Variants in RANBP2 observed in about 807,000 individuals in gnomAD.
RANBP2 encodes E3 SUMO-protein ligase RanBP2.
In RANBP2, 57 loss-of-function variants were observed where a neutral mutation model predicts 303.6. The ratio of observed to expected loss-of-function variants is 0.19; its 90% CI spans 0.15 to 0.23. The LOEUF (loss-of-function observed/expected upper bound fraction) is 0.23, where lower values mean the gene tolerates loss of function less well. Ranked by LOEUF, RANBP2 falls within the 10% of genes least tolerant of loss-of-function variation. The probability of loss-of-function intolerance (pLI) is 1.00; values close to 1 mark genes in which losing one functional copy is unlikely to be tolerated. For synonymous variants in RANBP2, 1,167 were observed against 1,301.5 expected (o/e 0.90, Z 2.23); for missense variants, 3,138 against 3,780.8 (o/e 0.83, Z 4.46).
chr2:109,495,389 T>A, the RANBP2 span, among the ~76,000 whole-genome samples: 1 of 151,728 alleles, frequency 6.6e-6, no homozygotes, highest in Non-Finnish European at 1.5e-5. Context: ...TTCTGCACCT[T>A]GGCAGTATCA....
At chr2:109,410,482 T>C in the RANBP2 span, among the ~76,000 whole-genome samples, 2 of 152,174 alleles carry the variant, frequency 1.3e-5, no homozygotes, top group African/African-American at 4.8e-5. Flanking sequence ...TGTTTGCTTG[T>C]GCTAAGTTCC....
At chr2:109,523,903 C>T in the RANBP2 span, among the ~76,000 whole-genome samples, 4 of 152,232 alleles carry the variant, frequency 2.6e-5, no homozygotes, top group African/African-American at 9.6e-5. Context: ...TCTGCTCTGA[C>T]TGCCGTGGTT....
At chr2:109,051,958 C>T in the RANBP2 span, among the ~76,000 whole-genome samples, 2 of 152,124 alleles carry the variant, frequency 1.3e-5, no homozygotes, top group African/African-American at 4.8e-5. Flanking sequence ...CCGTGTTAGC[C>T]AGGATGGTCT....
downstream of RANBP2, among the ~76,000 whole-genome samples, chr2:108,790,215 A>C (rs540845494): frequency 3.3e-5 from 5 of 152,334 alleles, no homozygotes; most frequent in East Asian, 7.7e-4. Flanking sequence ...GGATTTAGAC[A>C]TGAGCTACGT....
the RANBP2 span, among the ~76,000 whole-genome samples, chr2:109,516,649 G>T: frequency 6.6e-6 from 1 of 152,160 alleles, no homozygotes; most frequent in African/African-American, 2.4e-5. Flanking sequence ...AGGCGAGCCC[G>T]TGTCTGGCCT....
chr2:109,446,252 G>A, the RANBP2 span, among the ~76,000 whole-genome samples: 6 of 152,208 alleles, frequency 3.9e-5, no homozygotes, highest in Admixed American at 6.5e-5. Flanking sequence ...CTGTGAAATC[G>A]GAAGTGACAT....
chr2:109,658,398 A>G, the RANBP2 span, among the ~76,000 whole-genome samples: 1 of 151,964 alleles, frequency 6.6e-6, no homozygotes, highest in Non-Finnish European at 1.5e-5. Context: ...GTGAGCCAAG[A>G]TCATGCCACG....
chr2:108,918,952 G>A, the RANBP2 span, among the ~76,000 whole-genome samples: 1 of 152,324 alleles, frequency 6.6e-6, no homozygotes, highest in African/African-American at 2.4e-5. Flanking sequence ...ACTGTGGGCA[G>A]ACTCGCAGAG....
At chr2:108,924,807 T>C in the RANBP2 span, among the ~76,000 whole-genome samples, 1 of 152,254 alleles carries the variant, frequency 6.6e-6, no homozygotes, top group African/African-American at 2.4e-5. Flanking sequence ...CTCGCAAATC[T>C]ACCTTCTGCC....
At chr2:109,529,318 T>C in the RANBP2 span, among the ~76,000 whole-genome samples, 1 of 151,538 alleles carries the variant, frequency 6.6e-6, no homozygotes, top group Admixed American at 6.6e-5. Context: ...CAGCCAGGAG[T>C]GCAGAGGAGG....
the RANBP2 span, chr2:109,574,469 TAA>T: frequency 1.7e-6 from 1 of 593,268 alleles, no homozygotes; most frequent in Non-Finnish European, 2.4e-6. Context: ...AAAAAAAATT[TAA>T]AAAAGATGCA....
rs1204288811 is a variant in RANBP2 at position 108,773,012 on chromosome 2, T to G, written c.8258T>G (p.Phe2753Cys). The change falls in exon 23 of 29, where the codon TTT becomes TGT. Residue 2753 changes from phenylalanine to cysteine, a missense_variant. By Grantham distance (205) the Phe-to-Cys change is radical (BLOSUM62 -2). Coordinates refer to ENST00000283195, the MANE Select transcript of RANBP2 (RefSeq NM_006267.5). ...GAAGACAATGGAAATGGGGAGGACTTTCAATCAGAGCTTCAAAAAGTTCAG... is the reference window on the plus strand; with the variant it reads ...GAAGACAATGGAAATGGGGAGGACTGTCAATCAGAGCTTCAAAAAGTTCAG... Reference protein sequence around the residue: ...TDEDNGNGEDFQSELQKVQEA... With the variant: ...TDEDNGNGEDCQSELQKVQEA... 2 of 1,613,468 alleles carry G rather than the reference T, an allele frequency of 1.2e-6. No individual in the cohort carries two copies. The highest frequency in any genetic ancestry group is 1.7e-6 in the Non-Finnish European group (2 of 1,179,628).
At chr2:108,850,641 C>T in the RANBP2 span, among the ~76,000 whole-genome samples, 15 of 152,056 alleles carry the variant, frequency 9.9e-5, no homozygotes, top group Admixed American at 5.2e-4. Flanking sequence ...TTAGTAGACA[C>T]GGGGTTTCAC....
the RANBP2 span, among the ~76,000 whole-genome samples, chr2:108,935,728 G>C: frequency 6.6e-6 from 1 of 152,168 alleles, no homozygotes; most frequent in African/African-American, 2.4e-5. Flanking sequence ...TCAACAAAGA[G>C]CTGTGGAGCT....
At chr2:108,952,043 G>A in the RANBP2 span, among the ~76,000 whole-genome samples, 1 of 152,172 alleles carries the variant, frequency 6.6e-6, no homozygotes, top group Admixed American at 6.5e-5. Context: ...TTTTTCTCTT[G>A]TTACTGCTTT....
At chr2:109,213,224 G>A in the RANBP2 span, among the ~76,000 whole-genome samples, 1 of 152,094 alleles carries the variant, frequency 6.6e-6, no homozygotes, top group African/African-American at 2.4e-5. Context: ...GTGGTCCCAG[G>A]GCTGCTTCTG....
chr2:108,987,011 G>A, the RANBP2 span, among the ~76,000 whole-genome samples: 9 of 152,198 alleles, frequency 5.9e-5, no homozygotes, highest in East Asian at 3.9e-4. Context: ...TGTCATCCAG[G>A]ATAATTGAGG....
the RANBP2 span, among the ~76,000 whole-genome samples, chr2:109,609,908 C>T: frequency 6.6e-6 from 1 of 152,114 alleles, no homozygotes; most frequent in Non-Finnish European, 1.5e-5. Flanking sequence ...GTACTCAACA[C>T]TATTTCAAGA....
chr2:109,527,588 G>T, the RANBP2 span, among the ~76,000 whole-genome samples: 21 of 152,248 alleles, frequency 1.4e-4, 1 homozygote, highest in Admixed American at 1.2e-3. Flanking sequence ...AATCCCATAG[G>T]TGAGTTCATA....
Sources: gnomAD v4.1 joint callset for allele counts (sites outside exome capture counted in the v4.1 genomes callset) on GRCh38, gnomAD v4.1.1 for gene constraint, MANE v1.5 for transcripts, NCBI Gene and HGNC (gene_info 2026-07-23, HGNC 2026-07-21) for gene names.